Variants in ATG16L1 observed in about 807,000 individuals in gnomAD.
The protein encoded by ATG16L1 is autophagy related 16 like 1.
A neutral mutation model predicts 88.5 loss-of-function variants in ATG16L1; 37 were observed. The observed-to-expected ratio is 0.42, with a 90% CI of 0.32 to 0.55. The LOEUF is 0.55. Ranked by LOEUF, ATG16L1 falls within the 20% of genes least tolerant of loss-of-function variation. The pLI is 0.13. For missense variants in ATG16L1, 554 were observed against 752.8 expected (o/e 0.74, Z 3.09); for synonymous variants, 301 against 281.0 (o/e 1.07, Z -0.71).
intron 2 of ATG16L1, among the ~76,000 whole-genome samples, chr2:233,258,184 AT>A (rs1676454616): frequency 6.6e-6 from 1 of 152,020 alleles, no homozygotes; most frequent in Non-Finnish European, 1.5e-5. Context: ...TGTAATATTC[AT>A]TGTGTTTGCA....
intron 8 of ATG16L1, chr2:233,274,189 A>G (rs1698188502): frequency 2.4e-6 from 2 of 822,496 alleles, no homozygotes; most frequent in Admixed American, 5.1e-5. Flanking sequence ...GAGCCCTCAG[A>G]GCAGGGCTGC....
chr2:233,273,241 C>T (rs761292671), intron 7 of ATG16L1, 189 bp downstream of exon 7: 51 of 576,616 alleles, frequency 8.8e-5, no homozygotes, highest in Non-Finnish European at 1.4e-4. Flanking sequence ...GGGAGGGAAG[C>T]AGAACACGGG....
At chr2:233,255,290 G>C (rs1158352700) in intron 1 of ATG16L1, among the ~76,000 whole-genome samples, 1 of 152,116 alleles carries the variant, frequency 6.6e-6, no homozygotes, top group Non-Finnish European at 1.5e-5. Context: ...ACTTAACTAC[G>C]TGTTCTTTCT....
chr2:233,271,343 A>G (rs1442985163), intron 6 of ATG16L1, among the ~76,000 whole-genome samples: 1 of 152,170 alleles, frequency 6.6e-6, no homozygotes, highest in Non-Finnish European at 1.5e-5. Flanking sequence ...CAATGGTGCA[A>G]TCTCAGCTCA....
chr2:233,281,002 T>G, intron 10 of ATG16L1, 103 bp from the exon 11 acceptor site: 1 of 675,738 alleles, frequency 1.5e-6, no homozygotes, highest in Non-Finnish European at 2.5e-6. Flanking sequence ...TAGCTATTGT[T>G]TTAGCAGTGT....
At chr2:233,262,553 TCTG>T (rs893256018) in intron 2 of ATG16L1, among the ~76,000 whole-genome samples, 4 of 152,220 alleles carry the variant, frequency 2.6e-5, no homozygotes, top group Non-Finnish European at 5.9e-5. Context: ...CTCTCCAGGC[TCTG>T]CTGCTGCTGC....
intron 9 of ATG16L1, chr2:233,276,012 G>T (rs1181216026): frequency 1.8e-5 from 9 of 508,130 alleles, no homozygotes; most frequent in Non-Finnish European, 2.8e-5. Flanking sequence ...CTCCTAAGGA[G>T]AAAGAAACCA....
intron 12 of ATG16L1, chr2:233,288,991 A>C (rs1427295609): frequency 2.1e-6 from 1 of 468,646 alleles, no homozygotes; most frequent in Admixed American, 2.2e-5. Flanking sequence ...AGGAGTCCTG[A>C]TGTTTCCTTT....
At chr2:233,276,987 C>T (rs1368620533) in intron 9 of ATG16L1, among the ~76,000 whole-genome samples, 1 of 152,218 alleles carries the variant, frequency 6.6e-6, no homozygotes, top group Non-Finnish European at 1.5e-5. Context: ...ATTTCAGAAA[C>T]TTGGCAGAGG....
intron 1 of ATG16L1, among the ~76,000 whole-genome samples, chr2:233,253,558 C>T (rs904104806): frequency 2.6e-5 from 4 of 151,946 alleles, no homozygotes; most frequent in East Asian, 3.9e-4. Flanking sequence ...GTTGGCCAGG[C>T]GGATCTTGAA....
chr2:233,265,360 G>A (rs1697489564), intron 5 of ATG16L1, among the ~76,000 whole-genome samples: 2 of 152,174 alleles, frequency 1.3e-5, no homozygotes, highest in Admixed American at 1.3e-4. Flanking sequence ...ATAATTTTGT[G>A]AAGCTTTTTG....
intron 2 of ATG16L1, among the ~76,000 whole-genome samples, chr2:233,258,016 A>AAATAT (rs1696927526): frequency 1.9e-5 from 1 of 51,900 alleles, no homozygotes; most frequent in Non-Finnish European, 5.5e-5. Flanking sequence ...AAAAAAAAAA[A>AAATAT]ATATCTATAT....
At chr2:233,283,258 C>G (rs1447631196) in intron 12 of ATG16L1, among the ~76,000 whole-genome samples, 1 of 152,112 alleles carries the variant, frequency 6.6e-6, no homozygotes, top group Non-Finnish European at 1.5e-5. Context: ...GCCAAGAATT[C>G]TCTTGGCATC....
In ATG16L1 at chr2:233,277,680, G is replaced by A. The variant is rs1421457319; in HGVS notation, c.1060+7G>A. 1.2e-6 allele frequency: 2 copies of A among 1,609,964 alleles called. No individual in the cohort carries two copies. Among genetic ancestry groups the A allele is most frequent in the African/African-American group, 1.3e-5 (1 of 74,816 alleles). On this transcript the variant is annotated splice_region_variant and intron_variant, in intron 10 of 17. Transcript: ENST00000392017. ...CTTTGGGAAGTATTTGGAGGTGAGA[G>A]CCTGCTGCATGTTCTCAGACTGAAA...
Position 233,286,643 on chromosome 2 carries a change from T to TTTTTTTTTTTTG in ATG16L1, c.1204-3211_1204-3210insTTTTTTTTTTTG, listed in dbSNP as rs1553608374. Among the ~76,000 whole-genome samples the TTTTTTTTTTTTG allele has an allele frequency of 8.7e-3, 1,210 of 138,580 alleles. 46 individuals carry two copies. The highest frequency in any genetic ancestry group is 0.023 in the South Asian group (86 of 3,750). The allele number at this position is 138,580 out of a possible 152,430, so 90.9% of individuals were successfully genotyped here. ...AAACTTTTTTTTTTTTTTTTTTTTT[T>TTTTTTTTTTTTG]GAGACAGTGTCTCGCTCAGTCACCC... On this transcript the variant is annotated intron_variant, in intron 12 of 17. Coordinates refer to ENST00000392017, the MANE Select transcript of ATG16L1 (RefSeq NM_030803.7).
intron 8 of ATG16L1, 40 bp from the exon 9 acceptor site, chr2:233,274,636 T>C (rs776291355): frequency 7.2e-6 from 11 of 1,517,580 alleles, no homozygotes; most frequent in Admixed American, 1.7e-5. Context: ...AGTAAACCTC[T>C]GCAATCCTGT....
At chr2:233,285,001 C>A (rs1436251699) in intron 12 of ATG16L1, among the ~76,000 whole-genome samples, 1 of 152,164 alleles carries the variant, frequency 6.6e-6, no homozygotes, top group African/African-American at 2.4e-5. Context: ...AGCTGAGGAG[C>A]CTATGTTCTT....
intron 11 of ATG16L1, among the ~76,000 whole-genome samples, chr2:233,282,449 G>C (rs1320000368): frequency 6.6e-6 from 1 of 152,118 alleles, no homozygotes; most frequent in African/African-American, 2.4e-5. Flanking sequence ...TTTGGAGCTT[G>C]AGGTGTCTGC....
intron 7 of ATG16L1, 92 bp downstream of exon 7, chr2:233,273,144 A>G (rs1698105621): frequency 6.7e-6 from 7 of 1,043,352 alleles, no homozygotes; most frequent in African/African-American, 3.1e-5. Context: ...AGTCAGATGC[A>G]CCCAACCCCT....
Sources: allele counts gnomAD v4.1 joint callset (sites outside exome capture counted in the v4.1 genomes callset), GRCh38; gene constraint gnomAD v4.1.1; transcripts MANE v1.5; gene names NCBI Gene and HGNC (gene_info 2026-07-23, HGNC 2026-07-21).